Variants in TMEM117 observed in about 807,000 individuals in gnomAD.
TMEM117 encodes the protein transmembrane protein 117.
Under a neutral mutation model 52.4 loss-of-function variants are expected in TMEM117, and 27 were observed. The ratio of observed to expected loss-of-function variants is 0.51; its 90% CI spans 0.38 to 0.71. The LOEUF (loss-of-function observed/expected upper bound fraction) is 0.71. TMEM117 is among the 30% of genes least tolerant of loss of function. The pLI is 0.00. For missense variants in TMEM117, 556 were observed against 630.5 expected (o/e 0.88, Z 1.26); for synonymous variants, 215 against 206.3 (o/e 1.04, Z -0.36).
intron 4 of TMEM117, among the ~76,000 whole-genome samples, chr12:44,202,793 C>CACTTTTT (rs60018269): frequency 7.0e-6 from 1 of 142,872 alleles, no homozygotes; most frequent in African/African-American, 2.5e-5. Context: ...GAAGTGGTAG[C>CACTTTTT]TTTTTTTTTT....
chr12:44,315,187 TTTCAGAGAGCCAACTTTTGGG>T (rs1951038642), intron 6 of TMEM117, among the ~76,000 whole-genome samples: 1 of 152,224 alleles, frequency 6.6e-6, no homozygotes, highest in Admixed American at 6.5e-5. Flanking sequence ...TTGTTTCGTC[TTTCAGAGAGCCAACTTTTGGG>T]TTCATTGATG....
Position 44,216,005 on chromosome 12 carries a change from CTTTT to C in TMEM117, c.608+4635_608+4638del, listed in dbSNP as rs778425747. Among the ~76,000 whole-genome samples, 31 of 110,816 alleles carry C rather than the reference CTTTT, an allele frequency of 2.8e-4. 1 individual carries two copies. Among genetic ancestry groups the C allele is most frequent in the African/African-American group, 9.3e-4 (24 of 25,884 alleles). 72.7% of individuals were successfully genotyped at this position (110,816 alleles called of 152,430 possible). A position where few individuals can be genotyped will look rare whatever the true frequency, so the allele number is the denominator to read the frequency against. ...AGCTCCTTTCTTTCTTTCTTTCTTT[CTTTT>C]TTTTTTTTTTTTTTTTGAGACGGTT... is the stretch of plus-strand genomic sequence containing the variant. On this transcript the variant is annotated intron_variant, in intron 5 of 7. Transcript: ENST00000266534.
chr12:43,819,364 C>T, the TMEM117 span, among the ~76,000 whole-genome samples: 2 of 152,170 alleles, frequency 1.3e-5, no homozygotes, highest in African/African-American at 2.4e-5. Context: ...GTAAGCTGAA[C>T]TTTCCTATCT....
At chr12:44,042,352 A>AT (rs61531024) in intron 3 of TMEM117, among the ~76,000 whole-genome samples, 5 of 149,696 alleles carry the variant, frequency 3.3e-5, no homozygotes, top group East Asian at 4.0e-4. Flanking sequence ...TAAAATCTTA[A>AT]TTTTTTTTTC....
At chr12:44,162,513 A>G (rs1175228959) in intron 4 of TMEM117, among the ~76,000 whole-genome samples, 2 of 152,198 alleles carry the variant, frequency 1.3e-5, no homozygotes, top group African/African-American at 4.8e-5. Flanking sequence ...ATATCCATTA[A>G]CTGGCTGCTT....
chr12:44,049,924 G>T (rs189084074), intron 3 of TMEM117, among the ~76,000 whole-genome samples: 1 of 152,342 alleles, frequency 6.6e-6, no homozygotes, highest in East Asian at 1.9e-4. Context: ...GATACTTAGT[G>T]AGTAATAAAG....
intron 6 of TMEM117, among the ~76,000 whole-genome samples, chr12:44,348,327 C>A (rs1951516945): frequency 6.6e-6 from 1 of 151,448 alleles, no homozygotes; most frequent in South Asian, 2.1e-4. Context: ...GGGACCCATT[C>A]TAATGATCCC....
At chr12:44,284,258 G>A (rs968454198) in intron 5 of TMEM117, among the ~76,000 whole-genome samples, 1 of 152,024 alleles carries the variant, frequency 6.6e-6, no homozygotes, top group African/African-American at 2.4e-5. Context: ...GTTTCAGTGA[G>A]CCGAGATCAT....
At chr12:43,970,230 G>A (rs1275082571) in intron 3 of TMEM117, among the ~76,000 whole-genome samples, 1 of 152,060 alleles carries the variant, frequency 6.6e-6, no homozygotes, top group African/African-American at 2.4e-5. Context: ...TGACCTCAGT[G>A]TGCAAGAGTA....
Position 44,388,853 on chromosome 12 carries a change from C to A in TMEM117, c.*181C>A, listed in dbSNP as rs907762542. ...TGTTTTCTATTTGTATTATAATACA[C>A]GTGCCTACTGTATACTCAACAGTCC... is the stretch of plus-strand genomic sequence containing the variant. On this transcript the variant is annotated 3_prime_UTR_variant, in exon 8 of 8. Coordinates refer to ENST00000266534, the MANE Select transcript of TMEM117 (RefSeq NM_032256.3). The A allele has an allele frequency of 1.5e-6, 1 of 677,224 alleles. No individual in the cohort carries two copies. The highest frequency in any genetic ancestry group is 2.4e-6 in the Non-Finnish European group (1 of 411,382). The allele number at this position is 677,224 out of a possible 1,614,324, so 42.0% of individuals were successfully genotyped here.
At chr12:44,050,420 G>A (rs763044588) in intron 3 of TMEM117, among the ~76,000 whole-genome samples, 2 of 152,024 alleles carry the variant, frequency 1.3e-5, no homozygotes, top group Non-Finnish European at 1.5e-5. Context: ...CACGTGATCC[G>A]CCTGCCTCAG....
intron 3 of TMEM117, among the ~76,000 whole-genome samples, chr12:44,068,705 A>G (rs1947257965): frequency 2.0e-5 from 3 of 152,182 alleles, no homozygotes; most frequent in African/African-American, 7.2e-5. Context: ...TAACAGATAT[A>G]ATAATAATGA....
intron 6 of TMEM117, among the ~76,000 whole-genome samples, chr12:44,312,500 C>T (rs2138675485): frequency 6.6e-6 from 1 of 152,138 alleles, no homozygotes; most frequent in South Asian, 2.1e-4. Flanking sequence ...TTTCTTTATC[C>T]AATCCACCGC....
intron 7 of TMEM117, among the ~76,000 whole-genome samples, chr12:44,387,174 C>T (rs1952099988): frequency 6.6e-6 from 1 of 151,484 alleles, no homozygotes; most frequent in African/African-American, 2.4e-5. Context: ...AAAGTTTTTT[C>T]ACCTTTTGTC....
At chr12:44,392,010 A>T (rs1055048873), downstream of TMEM117, among the ~76,000 whole-genome samples, 1 of 152,174 alleles carries the variant, frequency 6.6e-6, no homozygotes, top group Non-Finnish European at 1.5e-5. Context: ...TCTGCAGCAG[A>T]TAAACTGGCA....
chr12:43,876,930 T>C (rs1011615303), intron 2 of TMEM117, among the ~76,000 whole-genome samples: 5 of 152,240 alleles, frequency 3.3e-5, no homozygotes, highest in Non-Finnish European at 4.4e-5. Flanking sequence ...TTAATTTTTC[T>C]TATTTTTAAA....
intron 5 of TMEM117, among the ~76,000 whole-genome samples, chr12:44,281,373 C>T (rs556458649): frequency 5.3e-5 from 8 of 151,780 alleles, no homozygotes; most frequent in East Asian, 1.9e-4. Context: ...ACTTTTGGGG[C>T]GTTATCAAAA....
At chr12:44,031,694 A>G (rs962224116) in intron 3 of TMEM117, among the ~76,000 whole-genome samples, 3 of 152,192 alleles carry the variant, frequency 2.0e-5, no homozygotes, top group Non-Finnish European at 4.4e-5. Flanking sequence ...AGTAAAGTAT[A>G]CTCAAGAACA....
chr12:44,187,210 A>G (rs1030762781), intron 4 of TMEM117, among the ~76,000 whole-genome samples: 8 of 152,140 alleles, frequency 5.3e-5, no homozygotes, highest in Non-Finnish European at 1.0e-4. Flanking sequence ...TTTCCTCCAT[A>G]TCAGTCTAAT....
Sources: allele counts gnomAD v4.1 joint callset (sites outside exome capture counted in the v4.1 genomes callset), GRCh38; gene constraint gnomAD v4.1.1; transcripts MANE v1.5; gene names NCBI Gene and HGNC (gene_info 2026-07-23, HGNC 2026-07-21).